The following PKP3 variants were observed in gnomAD, a reference collection of about 807,000 sequenced individuals.
PKP3 encodes the protein plakophilin 3.
Under a neutral mutation model 76.5 loss-of-function variants are expected in PKP3, and 66 were observed. The ratio of observed to expected loss-of-function variants is 0.86; its 90% CI spans 0.71 to 1.06. The LOEUF (loss-of-function observed/expected upper bound fraction) is 1.06. Ranked by LOEUF, PKP3 falls within the 50% of genes least tolerant of loss-of-function variation. The probability of loss-of-function intolerance (pLI) is 0.00; values close to 1 mark genes in which losing one functional copy is unlikely to be tolerated. For synonymous variants in PKP3, 638 were observed against 516.5 expected, an observed-to-expected ratio of 1.24 and a Z score of -3.19; for missense variants, 1,338 against 1,141.0, an observed-to-expected ratio of 1.17 and a Z score of -2.49.
upstream of PKP3, chr11:392,741 C>T (rs1846991500): frequency 1.7e-6 from 2 of 1,178,048 alleles, no homozygotes; most frequent in Non-Finnish European, 2.2e-6. Flanking sequence ...ACCACCCCGA[C>T]CCCACCTGGT....
In PKP3 at chr11:397,147, G is replaced by A. The variant is rs199935009; in HGVS notation, c.646G>A (p.Glu216Lys). 2.3e-5 allele frequency: 36 copies of A among 1,597,776 alleles called. No individual in the cohort carries two copies. In the Admixed American group the frequency reaches 2.5e-4, roughly 11 times the overall value. ...CTCCACCTACAGGGCCTTTGCGTACGAGCGCCAGGCCAGCTCCAGCTCCAG... is the reference window on the plus strand; with the variant it reads ...CTCCACCTACAGGGCCTTTGCGTACAAGCGCCAGGCCAGCTCCAGCTCCAG... ...ATSTYRAFAY[E>K]RQASSSSSRA... Residue 216 changes from glutamate (E) to lysine (K), a missense_variant, in exon 3 of 13, where the codon GAG (glutamate) becomes AAG (lysine). Glu to Lys is a moderately conservative substitution (Grantham distance 56). Coordinates refer to ENST00000331563, the MANE Select transcript of PKP3 (RefSeq NM_007183.4).
chr11:403,850 TG>T (rs1395850520), intron 10 of PKP3, 79 bp downstream of exon 10: 1 of 1,578,670 alleles, frequency 6.3e-7, no homozygotes, highest in Non-Finnish European at 8.6e-7. Context: ...TTCAGACCAC[TG>T]GGGCCAGTCC....
chr11:404,543 C>T lies in PKP3; in HGVS notation c.2368C>T (p.Arg790Trp), dbSNP rs188028709. ...CCTCTCTCCACTGTAGAAGGGCTAT[C>T]GGAAGGAGGACTTCCTGGGCCCATA... ...LHRDFRAKGY[R>W]KEDFLGP Residue 790 changes from arginine to tryptophan, a missense_variant, in exon 13 of 13, where the codon CGG becomes TGG. Arg to Trp is a moderately radical substitution (Grantham distance 101). Coordinates refer to ENST00000331563, the MANE Select transcript of PKP3 (RefSeq NM_007183.4). The surrounding 1 kb of genome is among the most constrained non-coding windows in gnomAD (Gnocchi z 4.2). The T allele has an allele frequency of 8.7e-6, 14 of 1,612,570 alleles. No homozygotes were observed. Among genetic ancestry groups the T allele is most frequent in the East Asian group, 6.7e-5 (3 of 44,878 alleles).
chr11:392,726 T>TTCCCC, upstream of PKP3: 1 of 1,255,654 alleles, frequency 8.0e-7, no homozygotes, highest in Non-Finnish European at 1.0e-6. Flanking sequence ...TCCCACCCCT[T>TTCCCC]CCCCACCACC....
At chr11:394,608 G>A (rs147527005) in intron 1 of PKP3, 84 bp downstream of exon 1, 21 of 1,129,780 alleles carry the variant, frequency 1.9e-5, no homozygotes, top group Admixed American at 4.2e-5. Flanking sequence ...GGCAGAGGCC[G>A]CAGTGAGGCC....
chr11:398,889 C>T lies in PKP3; in HGVS notation c.1069-103C>T, dbSNP rs190911061. 2,766 of 914,740 alleles carry T rather than the reference C, an allele frequency of 3.0e-3. 76 individuals are homozygous for T. In the Admixed American group the frequency reaches 0.053, roughly 17 times the overall value. 56.7% of individuals were successfully genotyped at this position (914,740 alleles called of 1,614,324 possible). A position where few individuals can be genotyped will look rare whatever the true frequency, so the allele number is the denominator to read the frequency against. On this transcript the variant is annotated intron_variant, in intron 4 of 12. Coordinates refer to ENST00000331563, the MANE Select transcript of PKP3 (RefSeq NM_007183.4). ...CGTCACCTCCCTATACGGCTGCATC[C>T]CCTGCATATCTACATCTACGCACCT... is the stretch of plus-strand genomic sequence containing the variant.
At position 394,387 on chromosome 11, in the gene PKP3, G is replaced by A. The variant is rs913005931; in HGVS notation, c.95G>A (p.Gly32Asp). 1.3e-4 allele frequency: 190 copies of A among 1,490,890 alleles called. No individual in the cohort carries two copies. Among genetic ancestry groups the A allele is most frequent in the Middle Eastern group, 7.1e-4 (3 of 4,240 alleles). 92.4% of individuals were successfully genotyped at this position (1,490,890 alleles called of 1,614,324 possible). ...LPSDLQLDRR[G>D]AEGPEAERLR... ...TCTGACCTGCAGCTGGACCGCCGGG[G>A]CGCCGAGGGGCCGGAGGCCGAGCGG... Residue 32 changes from glycine to aspartate, a missense_variant, in exon 1 of 13, where the codon GGC becomes GAC. By Grantham distance (94) the Gly-to-Asp change is moderately conservative (BLOSUM62 -1). Transcript: ENST00000331563.
At chr11:393,080 C>A (rs1343547288), upstream of PKP3, among the ~76,000 whole-genome samples, 1 of 151,122 alleles carries the variant, frequency 6.6e-6, no homozygotes, top group Non-Finnish European at 1.5e-5. Context: ...TCAGCTCCCA[C>A]CCCCAGCCCT....
Position 394,496 on chromosome 11 carries a change from G to A in PKP3, c.204G>A (p.Glu68=). Residue 68 remains glutamate, a synonymous_variant, in exon 1 of 13, where the codon GAG becomes GAA. Coordinates refer to ENST00000331563, the MANE Select transcript of PKP3 (RefSeq NM_007183.4). The part of the protein sequence containing the change: ...GQQPRHNGAA[E]PEPEAETARG... ...AGCCGCGGCACAACGGGGCCGCTGA[G>A]CCCGAGCCTGAGGCCGAGACTGCCA... The A allele has an allele frequency of 7.1e-7, 1 of 1,399,952 alleles. No homozygotes were observed. The highest frequency in any genetic ancestry group is 9.2e-7 in the Non-Finnish European group (1 of 1,084,650). The allele number at this position is 1,399,952 out of a possible 1,614,324, so 86.7% of individuals were successfully genotyped here.
intron 1 of PKP3, among the ~76,000 whole-genome samples, chr11:395,888 T>C (rs1054011935): frequency 6.2e-4 from 95 of 152,200 alleles, no homozygotes; most frequent in Non-Finnish European, 3.5e-4. Context: ...CATGGGACCC[T>C]GTCGTCGACG....
In PKP3 at chr11:396,993, C is replaced by T; in HGVS notation, c.492C>T (p.Phe164=). Residue 164 remains phenylalanine (F), a synonymous_variant, in exon 3 of 13, where the codon TTC becomes TTT. Coordinates refer to ENST00000331563, the MANE Select transcript of PKP3 (RefSeq NM_007183.4). The part of the protein sequence containing the change: ...TPPMPTRPVS[F]HERGGVGSRA... Reference sequence around the variant, plus strand: ...CCATGCCCACCAGGCCCGTGTCCTTCCATGAGCGCGGTGGGGTTGGGAGCC... The same window carrying T: ...CCATGCCCACCAGGCCCGTGTCCTTTCATGAGCGCGGTGGGGTTGGGAGCC... The T allele has an allele frequency of 1.3e-6, 2 of 1,599,698 alleles. No individual in the cohort carries two copies. The highest frequency in any genetic ancestry group is 1.7e-6 in the Non-Finnish European group (2 of 1,179,198).
At chr11:394,203 G>A (rs1847011793), upstream of PKP3, 7 of 1,382,914 alleles carry the variant, frequency 5.1e-6, no homozygotes, top group African/African-American at 1.1e-4. Flanking sequence ...GCTGGGCGGG[G>A]ACTTCAGGGA....
At position 397,069 on chromosome 11, in the gene PKP3, G is replaced by A; in HGVS notation, c.568G>A (p.Gly190Ser). 6.3e-7 allele frequency: 1 copy of A among 1,598,822 alleles called. No homozygotes were observed. Among genetic ancestry groups the A allele is most frequent in the Non-Finnish European group, 8.5e-7 (1 of 1,179,540 alleles). ...GCGCTCGCTGCGGCTGGGGCCCGGG[G>A]GCCTGGACGACCGCTACAGCCTGGT... Reference protein sequence around the residue: ...SLRSLRLGPGGLDDRYSLVSE... With the variant: ...SLRSLRLGPGSLDDRYSLVSE... Residue 190 changes from glycine to serine, a missense_variant, in exon 3 of 13, where the codon GGC (glycine) becomes AGC (serine). By Grantham distance (56) the Gly-to-Ser change is moderately conservative (BLOSUM62 0). Transcript: ENST00000331563.
intron 1 of PKP3, among the ~76,000 whole-genome samples, chr11:395,380 A>C (rs1446033712): frequency 1.3e-5 from 2 of 152,146 alleles, no homozygotes; most frequent in Admixed American, 1.3e-4. Flanking sequence ...GCCAGGGGGA[A>C]GTGAAGGTCG....
At chr11:394,828 A>T (rs1847024671) in intron 1 of PKP3, among the ~76,000 whole-genome samples, 1 of 152,022 alleles carries the variant, frequency 6.6e-6, no homozygotes, top group Non-Finnish European at 1.5e-5. Context: ...GGGCCAGGCC[A>T]CTCGGTCGGC....
chr11:394,861 T>C (rs1847025368), intron 1 of PKP3, among the ~76,000 whole-genome samples: 1 of 152,134 alleles, frequency 6.6e-6, no homozygotes. Flanking sequence ...CGCACGCGCC[T>C]GGCCCCGGTA....
upstream of PKP3, chr11:394,162 G>T: frequency 7.5e-7 from 1 of 1,330,088 alleles, no homozygotes; most frequent in South Asian, 1.7e-5. Flanking sequence ...CTGGGCAGGC[G>T]TCTGTCTTCA....
In PKP3 at chr11:404,684, G is replaced by T. The variant is rs908719813; in HGVS notation, c.*115G>T. On this transcript the variant is annotated 3_prime_UTR_variant, in exon 13 of 13. Transcript: ENST00000331563. This position sits in a 1 kb window ranked among gnomAD's most constrained non-coding sequence, Gnocchi z 4.2. Reference sequence around the variant, plus strand: ...AAGGCTAATGACGGAGGGGCCCCTCGCTGGGGCCCCTGTGTGCATCTTTGA... The same window carrying T: ...AAGGCTAATGACGGAGGGGCCCCTCTCTGGGGCCCCTGTGTGCATCTTTGA... 3.0e-6 allele frequency: 3 copies of T among 1,000,094 alleles called. No individual in the cohort carries two copies. Among genetic ancestry groups the T allele is most frequent in the South Asian group, 1.4e-5 (1 of 71,856 alleles). 62.0% of individuals were successfully genotyped at this position (1,000,094 alleles called of 1,614,324 possible).
At position 404,432 on chromosome 11, in the gene PKP3, A is replaced by G. The variant is rs920995248; in HGVS notation, c.2359-102A>G. The G allele has an allele frequency of 1.5e-5, 22 of 1,472,738 alleles. No individual in the cohort carries two copies. The highest frequency in any genetic ancestry group is 2.1e-5 in the Non-Finnish European group (22 of 1,052,738). 91.2% of individuals were successfully genotyped at this position (1,472,738 alleles called of 1,614,324 possible). ...GAGGATGGAGACCAGGGACCCAGAG[A>G]GGAAGGGTCCGGGCCACACCCAGCA... On this transcript the variant is annotated intron_variant, in intron 12 of 12. Transcript: ENST00000331563. This position sits in a 1 kb window ranked among gnomAD's most constrained non-coding sequence, Gnocchi z 4.2.
Sources: gnomAD v4.1 joint callset for allele counts (sites outside exome capture counted in the v4.1 genomes callset) on GRCh38, gnomAD v4.1.1 for gene constraint, Gnocchi (gnomAD v3.1) non-coding constraint, MANE v1.5 for transcripts, NCBI Gene and HGNC (gene_info 2026-07-23, HGNC 2026-07-21) for gene names.